TGS1: variants seen among roughly 807,000 people sequenced by gnomAD.
The protein encoded by TGS1 is trimethylguanosine synthase 1.
In TGS1, 69 loss-of-function variants were observed where a neutral mutation model predicts 92.2. The ratio of observed to expected loss-of-function variants is 0.75; its 90% confidence interval spans 0.62 to 0.91. The LOEUF (loss-of-function observed/expected upper bound fraction) is 0.91. Ranked by LOEUF, TGS1 falls within the 40% of genes least tolerant of loss-of-function variation. TGS1 has a pLI of 0.00. For synonymous variants in TGS1, 345 were observed against 338.1 expected (o/e 1.02, Z -0.22); for missense variants, 1,062 against 1,001.2 (o/e 1.06, Z -0.82).
intron 10 of TGS1, among the ~76,000 whole-genome samples, chr8:55,805,902 A>T (rs1381808022): frequency 7.0e-6 from 1 of 142,366 alleles, no homozygotes; most frequent in Non-Finnish European, 1.5e-5. Context: ...AAAAAAAAAA[A>T]AATTTAAAAA....
rs190955325 is a variant in TGS1, at chr8:55,806,851, T to C, written c.2143+1815T>C. ...ACCAAAACAGGAGAGTATTGAACAG[T>C]GGACAGGGACTTTGGCACTCACTAT... On this transcript the variant is annotated intron_variant, in intron 10 of 12. Transcript: ENST00000260129. 3.1e-3 allele frequency among the ~76,000 whole-genome samples: 471 copies of C among 152,312 alleles called. 5 individuals carry two copies. The highest frequency in any genetic ancestry group is 0.01 in the African/African-American group (418 of 41,576).
At chr8:55,812,888 A>T (rs1194648229) in intron 11 of TGS1, 152 bp from the exon 12 acceptor site, 1 of 616,780 alleles carries the variant, frequency 1.6e-6, no homozygotes, top group Non-Finnish European at 2.9e-6. Flanking sequence ...AAAATTTTGT[A>T]TGTAATTCTC....
chr8:55,785,353 G>T (rs1811678080), intron 2 of TGS1, among the ~76,000 whole-genome samples: 1 of 152,092 alleles, frequency 6.6e-6, no homozygotes, highest in African/African-American at 2.4e-5. Context: ...ACCGTGCCCA[G>T]CATACCGTCA....
At chr8:55,820,608 T>C (rs1803609314) in intron 12 of TGS1, among the ~76,000 whole-genome samples, 1 of 152,224 alleles carries the variant, frequency 6.6e-6, no homozygotes, top group East Asian at 1.9e-4. Flanking sequence ...TTAAATCTTC[T>C]GTGCTTTAAC....
At position 55,773,615 on chromosome 8, in the gene TGS1, TA is replaced by T; in HGVS notation, c.1del. The stretch of plus-strand genomic sequence containing the variant: ...TACGTCAGAGCTGCCTCCGAAGTGG[TA>T]AAATGTGCTGCGAGAAGTGGAGCCG... On this transcript the variant is annotated 5_prime_UTR_variant, in exon 1 of 13. Coordinates refer to ENST00000260129, the MANE Select transcript of TGS1 (RefSeq NM_024831.8). 6.2e-7 allele frequency: 1 copy of T among 1,608,744 alleles called. No homozygotes were observed.
intron 1 of TGS1, among the ~76,000 whole-genome samples, chr8:55,779,036 C>A (rs1024400297): frequency 2.6e-5 from 4 of 152,112 alleles, no homozygotes; most frequent in African/African-American, 9.7e-5. Context: ...CAATTCAAGT[C>A]AGTAGTTAAG....
intron 10 of TGS1, among the ~76,000 whole-genome samples, chr8:55,806,785 A>G (rs1211894938): frequency 1.3e-5 from 2 of 152,236 alleles, no homozygotes; most frequent in South Asian, 2.1e-4. Context: ...CACACCTAAT[A>G]ACTTGAAGCC....
At chr8:55,783,962 G>A (rs145209274) in intron 2 of TGS1, among the ~76,000 whole-genome samples, 86 of 152,292 alleles carry the variant, frequency 5.6e-4, no homozygotes, top group African/African-American at 1.9e-3. Context: ...CTGAGCTTTC[G>A]TAAGTATATT....
rs1014894327 is a variant in TGS1 at position 55,776,193 on chromosome 8, T to G, written c.101+2474T>G. Among the ~76,000 whole-genome samples, 3 of 151,866 alleles carry G rather than the reference T, an allele frequency of 2.0e-5. No homozygotes were observed. In the South Asian group the frequency reaches 6.2e-4, roughly 32 times the overall value. The stretch of plus-strand genomic sequence containing the variant: ...TCTGCATGAGAGGATCGTGATTGAT[T>G]GAGCAAGCAAGGGGTACGTGACTGG... On this transcript the variant is annotated intron_variant, in intron 1 of 12. Coordinates refer to ENST00000260129, the MANE Select transcript of TGS1 (RefSeq NM_024831.8).
intron 1 of TGS1, among the ~76,000 whole-genome samples, chr8:55,774,054 G>C (rs1563446036): frequency 6.6e-6 from 1 of 152,220 alleles, no homozygotes; most frequent in Admixed American, 6.5e-5. Flanking sequence ...ATGTCATAAA[G>C]TGAAAGTTTA....
At chr8:55,812,646 T>C (rs1182700417) in intron 11 of TGS1, among the ~76,000 whole-genome samples, 1 of 152,082 alleles carries the variant, frequency 6.6e-6, no homozygotes, top group Non-Finnish European at 1.5e-5. Flanking sequence ...ATTACGCTAC[T>C]GCACTCCAGC....
chr8:55,807,819 A>G (rs1803215248), intron 10 of TGS1, among the ~76,000 whole-genome samples: 1 of 152,130 alleles, frequency 6.6e-6, no homozygotes, highest in Admixed American at 6.5e-5. Context: ...ATGAGCCACC[A>G]CACTGAGACA....
At chr8:55,780,461 C>T (rs1331458760) in intron 1 of TGS1, among the ~76,000 whole-genome samples, 1 of 152,172 alleles carries the variant, frequency 6.6e-6, no homozygotes, top group Non-Finnish European at 1.5e-5. Flanking sequence ...ATGCCCAGCT[C>T]TGTGTGGCCT....
At chr8:55,798,876 A>G in intron 7 of TGS1, 38 bp from the exon 8 acceptor site, 3 of 1,491,104 alleles carry the variant, frequency 2.0e-6, no homozygotes, top group Non-Finnish European at 2.7e-6. Context: ...TGTAGTTTGG[A>G]ATTAATTCCT....
chr8:55,788,374 A>G (rs547804343), intron 4 of TGS1, among the ~76,000 whole-genome samples: 6 of 151,102 alleles, frequency 4.0e-5, no homozygotes, highest in Non-Finnish European at 5.9e-5. Flanking sequence ...TTTTTTCTCT[A>G]TATTCTTAGA....
In TGS1 at chr8:55,799,115, C is replaced by G; in HGVS notation, c.1744C>G (p.Leu582Val). The G allele has an allele frequency of 6.2e-7, 1 of 1,614,140 alleles. No homozygotes were observed. The highest frequency in any genetic ancestry group is 2.2e-5 in the East Asian group (1 of 44,884). Residue 582 changes from leucine to valine, a missense_variant, in exon 8 of 13, where the codon CTT (leucine) becomes GTT (valine). By Grantham distance (32) the Leu-to-Val change is conservative. Coordinates refer to ENST00000260129, the MANE Select transcript of TGS1 (RefSeq NM_024831.8). ...KCQSVSSAGE[L>V]ETENYERDSL... ...TCAGAGCGTATCTTCAGCTGGTGAA[C>G]TTGAAACAGAAAACTATGAAAGAGA... is the stretch of plus-strand genomic sequence containing the variant.
At position 55,790,293 on chromosome 8, in the gene TGS1, A is replaced by T. The variant is rs770168789; in HGVS notation, c.1274A>T (p.Lys425Met). ...DPPEHKPSKLKRSHELDIDEN... is the reference protein window; with the variant it reads ...DPPEHKPSKLMRSHELDIDEN... The stretch of plus-strand genomic sequence containing the variant: ...CCTGAGCATAAGCCAAGCAAACTGA[A>T]GAGGAGGTAAGTTACATGAGACCCC... Residue 425 changes from lysine (K) to methionine (M), a missense_variant, in exon 5 of 13, where the codon AAG becomes ATG. By Grantham distance (95) the Lys-to-Met change is moderately conservative (BLOSUM62 -1). Coordinates refer to ENST00000260129, the MANE Select transcript of TGS1 (RefSeq NM_024831.8). 4 of 1,610,918 alleles carry T rather than the reference A, an allele frequency of 2.5e-6. No homozygotes were observed. The Admixed American group carries it at 5.0e-5, about 20-fold the overall frequency.
At chr8:55,790,124 A>G in intron 4 of TGS1, 58 bp from the exon 5 acceptor site, 1 of 1,239,496 alleles carries the variant, frequency 8.1e-7, no homozygotes, top group South Asian at 1.2e-5. Context: ...CTTTGCAAAT[A>G]GCAGAAAAGT....
chr8:55,797,869 T>A (rs1343089026), intron 7 of TGS1, among the ~76,000 whole-genome samples: 1 of 152,186 alleles, frequency 6.6e-6, no homozygotes, highest in Admixed American at 6.5e-5. Flanking sequence ...TACAGTGTCC[T>A]CCCTAACTTC....
Sources: gnomAD v4.1 joint callset for allele counts (sites outside exome capture counted in the v4.1 genomes callset) on GRCh38, gnomAD v4.1.1 for gene constraint, MANE v1.5 for transcripts, NCBI Gene and HGNC (gene_info 2026-07-23, HGNC 2026-07-21) for gene names.